The following FBXO42 variants were observed in gnomAD, a reference collection of about 807,000 sequenced individuals.
FBXO42 encodes F-box protein 42.
Under a neutral mutation model 71.7 loss-of-function variants are expected in FBXO42, and 12 were observed. The observed-to-expected ratio is 0.17, with a 90% CI of 0.11 to 0.27. FBXO42 has a LOEUF of 0.27. FBXO42 is among the 10% of genes least tolerant of loss of function. The pLI is 1.00. For missense variants in FBXO42, 707 were observed against 911.9 expected (o/e 0.78, Z 2.89); for synonymous variants, 325 against 327.5 (o/e 0.99, Z 0.08).
intron 4 of FBXO42, among the ~76,000 whole-genome samples, chr1:16,286,041 G>A (rs954726709): frequency 1.2e-4 from 18 of 151,610 alleles, no homozygotes; most frequent in African/African-American, 4.4e-4. Context: ...TTCACACCAC[G>A]CCCAGCTAAT....
At chr1:16,339,028 T>G (rs1390294997) in intron 1 of FBXO42, among the ~76,000 whole-genome samples, 1 of 151,900 alleles carries the variant, frequency 6.6e-6, no homozygotes, top group Admixed American at 6.6e-5. Flanking sequence ...CCAGGTGGTC[T>G]CAAATTCCCA....
intron 4 of FBXO42, among the ~76,000 whole-genome samples, chr1:16,291,871 T>C (rs2082083115): frequency 6.6e-6 from 1 of 152,182 alleles, no homozygotes; most frequent in Admixed American, 6.5e-5. Flanking sequence ...AGGGTCTCAC[T>C]ATGTTACCCA....
At chr1:16,320,185 C>G (rs913888481) in intron 1 of FBXO42, among the ~76,000 whole-genome samples, 1 of 151,842 alleles carries the variant, frequency 6.6e-6, no homozygotes, top group Non-Finnish European at 1.5e-5. Flanking sequence ...CATGGTGAAA[C>G]CCCGTCTCTA....
Position 16,256,623 on chromosome 1 carries a change from G to A in FBXO42, c.639C>T (p.Tyr213=), listed in dbSNP as rs775269054. ...PERFFDEIHT[Y]SPSKNWWNCI... Reference sequence around the variant, plus strand: ...TGACTTACCAATTTTTAGAGGGTGAGTAAGTGTGTATTTCATCAAAGAATC... The same window carrying A: ...TGACTTACCAATTTTTAGAGGGTGAATAAGTGTGTATTTCATCAAAGAATC... Residue 213 remains tyrosine, a synonymous_variant, in exon 5 of 10, where the codon TAC becomes TAT. Transcript: ENST00000375592. The A allele has an allele frequency of 1.2e-6, 2 of 1,613,992 alleles. No individual in the cohort carries two copies. Among genetic ancestry groups the A allele is most frequent in the African/African-American group, 1.3e-5 (1 of 74,926 alleles).
At position 16,335,479 on chromosome 1, in the gene FBXO42, T is replaced by G. The variant is rs1237406316; in HGVS notation, c.-18+16776A>C. ...ACTAATCTGCCACAATTAGAGAGAATTAGCTGGTTTCCCACTTCCTTCCTT... is the reference window on the plus strand; with the variant it reads ...ACTAATCTGCCACAATTAGAGAGAAGTAGCTGGTTTCCCACTTCCTTCCTT... On this transcript the variant is annotated intron_variant, in intron 1 of 9. Coordinates refer to ENST00000375592, the MANE Select transcript of FBXO42 (RefSeq NM_018994.3). 2.0e-5 allele frequency among the ~76,000 whole-genome samples: 3 copies of G among 152,240 alleles called. No homozygotes were observed. The East Asian group carries it at 5.8e-4, about 29-fold the overall frequency.
rs533596927 is a variant in FBXO42, at chr1:16,314,552, C to T, written c.250+617G>A. ...AAAGCAGTTACAATAGTGCTTGACA[C>T]GTGATAAAAGCTATGTTCACATTGG... On this transcript the variant is annotated intron_variant, in intron 2 of 9. Coordinates refer to ENST00000375592, the MANE Select transcript of FBXO42 (RefSeq NM_018994.3). 5.3e-5 allele frequency among the ~76,000 whole-genome samples: 8 copies of T among 152,302 alleles called. No homozygotes were observed. The South Asian group carries it at 8.3e-4, about 16-fold the overall frequency.
intron 4 of FBXO42, among the ~76,000 whole-genome samples, chr1:16,275,514 G>T (rs2081890369): frequency 6.6e-6 from 1 of 152,112 alleles, no homozygotes; most frequent in Admixed American, 6.6e-5. Context: ...TGCTACTTGG[G>T]AGGCTGAAGC....
intron 4 of FBXO42, among the ~76,000 whole-genome samples, chr1:16,271,258 G>GGTGTGTGTGTGTGT (rs57827739): frequency 4.7e-4 from 64 of 137,504 alleles, no homozygotes; most frequent in South Asian, 2.2e-3. Context: ...TGTGTGTGTT[G>GGTGTGTGTGTGTGT]GTGTGTGTGT....
At chr1:16,261,037 GCTGCACTT>G (rs1285007828) in intron 4 of FBXO42, among the ~76,000 whole-genome samples, 3 of 152,184 alleles carry the variant, frequency 2.0e-5, no homozygotes, top group African/African-American at 7.2e-5. Flanking sequence ...AATATATCAT[GCTGCACTT>G]CATGCATACA....
In FBXO42 at chr1:16,352,453, C is replaced by T. The variant is rs1190431900; in HGVS notation, c.-216G>A. 2.5e-6 allele frequency: 1 copy of T among 398,246 alleles called. No homozygotes were observed. The highest frequency in any genetic ancestry group is 4.4e-6 in the Non-Finnish European group (1 of 226,056). 24.7% of individuals were successfully genotyped at this position (398,246 alleles called of 1,614,324 possible). A position where few individuals can be genotyped will look rare whatever the true frequency, so the allele number is the denominator to read the frequency against. ...AACGCCGCCGCCGCCGCAGCTGCTGCTGCTCAGGCCGGGAGAAGACAGCGC... is the reference window on the plus strand; with the variant it reads ...AACGCCGCCGCCGCCGCAGCTGCTGTTGCTCAGGCCGGGAGAAGACAGCGC... On this transcript the variant is annotated 5_prime_UTR_variant, in exon 1 of 10. Coordinates refer to ENST00000375592, the MANE Select transcript of FBXO42 (RefSeq NM_018994.3).
intron 4 of FBXO42, among the ~76,000 whole-genome samples, chr1:16,261,991 C>T (rs1028677376): frequency 2.6e-5 from 4 of 152,108 alleles, no homozygotes; most frequent in Admixed American, 6.5e-5. Flanking sequence ...GGATTACAGG[C>T]GTGAGCCACC....
At position 16,305,879 on chromosome 1, in the gene FBXO42, G is replaced by T; in HGVS notation, c.291C>A (p.Val97=). 1 of 1,614,100 alleles carries T rather than the reference G, an allele frequency of 6.2e-7. No homozygotes were observed. The highest frequency in any genetic ancestry group is 8.5e-7 in the Non-Finnish European group (1 of 1,180,026). The change falls in exon 3 of 10, where the codon GTC becomes GTA. Residue 97 remains valine, a synonymous_variant. Coordinates refer to ENST00000375592, the MANE Select transcript of FBXO42 (RefSeq NM_018994.3). ...TCTCCCACTGAATGTTTCCTTCCTGGACAGCCTTCATGAAACCATGATAAC... is the reference window on the plus strand; with the variant it reads ...TCTCCCACTGAATGTTTCCTTCCTGTACAGCCTTCATGAAACCATGATAAC... ...HQCYHGFMKA[V]QEGNIQWESR...
intron 1 of FBXO42, among the ~76,000 whole-genome samples, chr1:16,323,601 A>C (rs1326337284): frequency 6.6e-6 from 1 of 151,460 alleles, no homozygotes; most frequent in Non-Finnish European, 1.5e-5. Flanking sequence ...GTTCGAGACC[A>C]GCCTGGCCAA....
rs554853153 is a variant in FBXO42, at chr1:16,258,987, G to A, written c.503-2228C>T. ...ACTCCTGGCCTCAAGCGATCCTCCC[G>A]CCTCAGCCTCCCAAAGTGCTGGGAT... On this transcript the variant is annotated intron_variant, in intron 4 of 9. Coordinates refer to ENST00000375592, the MANE Select transcript of FBXO42 (RefSeq NM_018994.3). 8.2e-4 allele frequency among the ~76,000 whole-genome samples: 125 copies of A among 152,186 alleles called. 1 individual carries two copies. Among genetic ancestry groups the A allele is most frequent in the African/African-American group, 2.8e-3 (118 of 41,530 alleles).
chr1:16,266,877 G>A (rs1026839074), intron 4 of FBXO42, among the ~76,000 whole-genome samples: 10 of 152,134 alleles, frequency 6.6e-5, no homozygotes, highest in African/African-American at 1.2e-4. Flanking sequence ...GGAGGATAGC[G>A]TGGCACATAT....
intron 1 of FBXO42, among the ~76,000 whole-genome samples, chr1:16,330,858 C>A (rs999216338): frequency 6.6e-6 from 1 of 152,072 alleles, no homozygotes; most frequent in Non-Finnish European, 1.5e-5. Context: ...AGGAGAATCA[C>A]TTTAACTCAA....
At chr1:16,313,336 G>GA (rs1557597914) in intron 2 of FBXO42, among the ~76,000 whole-genome samples, 19 of 81,090 alleles carry the variant, frequency 2.3e-4, no homozygotes, top group African/African-American at 6.5e-4. Context: ...AAGAAAGAAA[G>GA]AAAGAAAGAA....
intron 3 of FBXO42, among the ~76,000 whole-genome samples, chr1:16,304,581 T>C (rs1051266227): frequency 1.3e-5 from 2 of 152,206 alleles, no homozygotes; most frequent in Non-Finnish European, 2.9e-5. Flanking sequence ...TACCCTCATG[T>C]ACAGCTTTCC....
intron 1 of FBXO42, among the ~76,000 whole-genome samples, chr1:16,320,050 C>T: frequency 6.6e-6 from 1 of 151,910 alleles, no homozygotes; most frequent in Non-Finnish European, 1.5e-5. Context: ...CCATTTCCAG[C>T]CCAAATTCCT....
Sources: gnomAD v4.1 joint callset for allele counts (sites outside exome capture counted in the v4.1 genomes callset) on GRCh38, gnomAD v4.1.1 for gene constraint, MANE v1.5 for transcripts, NCBI Gene and HGNC (gene_info 2026-07-23, HGNC 2026-07-21) for gene names.